ZNF442: variants seen among roughly 807,000 people sequenced by gnomAD.
The protein encoded by ZNF442 is zinc finger protein 442.
In ZNF442, 45 loss-of-function variants were observed where a neutral mutation model predicts 57.0. That is an observed-to-expected ratio of 0.79 (90% confidence interval 0.62 to 1.01). ZNF442 has a LOEUF of 1.01. Ranked by LOEUF, ZNF442 falls within the 50% of genes least tolerant of loss-of-function variation. The pLI, the probability that ZNF442 is intolerant of heterozygous loss-of-function variation, is 0.00. For synonymous variants in ZNF442, 213 were observed against 241.8 expected, an observed-to-expected ratio of 0.88 and a Z score of 1.10; for missense variants, 690 against 756.5, an observed-to-expected ratio of 0.91 and a Z score of 1.03.
chr19:12,370,213 T>C (rs10406820), upstream of ZNF442, among the ~76,000 whole-genome samples: 1 of 150,690 alleles, frequency 6.6e-6, no homozygotes, highest in Admixed American at 6.7e-5. Flanking sequence ...AGATGGTCCC[T>C]TCTGGGGGTG....
chr19:12,350,857 C>T lies in ZNF442; in HGVS notation c.728G>A (p.Cys243Tyr), dbSNP rs757755988. The change falls in exon 6 of 6, where the codon TGT becomes TAT. Residue 243 changes from cysteine to tyrosine, a missense_variant. Coordinates refer to ENST00000242804, the MANE Select transcript of ZNF442 (RefSeq NM_030824.3). ...GEKPYECKQC[C>Y]KAFPIYSSYL... ...GGAACTGTAAATAGGGAAGGCTTTACAACACTGCTTACATTCATACGGTTT... is the reference window on the plus strand; with the variant it reads ...GGAACTGTAAATAGGGAAGGCTTTATAACACTGCTTACATTCATACGGTTT... 5 of 1,614,034 alleles carry T rather than the reference C, an allele frequency of 3.1e-6. No homozygotes were observed. The highest frequency in any genetic ancestry group is 4.2e-6 in the Non-Finnish European group (5 of 1,179,988).
chr19:12,347,577 T>C lies in ZNF442; in HGVS notation c.*2124A>G, dbSNP rs1397029650. On this transcript the variant is annotated 3_prime_UTR_variant, in exon 6 of 6. Transcript: ENST00000242804. ...ACACTCCACCATCCTAAGCTTTAAG[T>C]TTCTATTTGGCCACCTGGCCAAAAC... 1 of 152,236 alleles carries C rather than the reference T, an allele frequency of 6.6e-6. No homozygotes were observed. Among genetic ancestry groups the C allele is most frequent in the Non-Finnish European group, 1.5e-5 (1 of 68,064 alleles). The allele number at this position is 152,236 out of a possible 1,614,324, so 9.4% of individuals were successfully genotyped here.
chr19:12,368,578 C>T (rs1012445768), upstream of ZNF442, among the ~76,000 whole-genome samples: 3 of 152,108 alleles, frequency 2.0e-5, no homozygotes, highest in Non-Finnish European at 4.4e-5. Flanking sequence ...GTCCCTTCAC[C>T]AAATGGGACA....
At chr19:12,362,549 G>T (rs930164258) in intron 3 of ZNF442, among the ~76,000 whole-genome samples, 6 of 151,278 alleles carry the variant, frequency 4.0e-5, no homozygotes, top group Admixed American at 6.6e-5. Flanking sequence ...GGAGGTGGGG[G>T]ACAGCTCCCG....
chr19:12,354,059 C>G (rs540324466), intron 3 of ZNF442, among the ~76,000 whole-genome samples: 34 of 152,294 alleles, frequency 2.2e-4, no homozygotes, highest in African/African-American at 8.2e-4. Flanking sequence ...TTTAAATCAT[C>G]TAGCTTCAGG....
chr19:12,354,992 G>A (rs143813186), intron 3 of ZNF442, among the ~76,000 whole-genome samples: 3 of 152,124 alleles, frequency 2.0e-5, no homozygotes, highest in Non-Finnish European at 2.9e-5. Context: ...AAAAAAATAC[G>A]TATTAAAGAC....
upstream of ZNF442, among the ~76,000 whole-genome samples, chr19:12,367,914 C>T (rs543206562): frequency 9.9e-5 from 15 of 152,152 alleles, no homozygotes; most frequent in East Asian, 3.9e-4. Context: ...GTGATCCACC[C>T]GCCTCGGCCT....
At chr19:12,373,648 C>A in the ZNF442 span, 1 of 304,690 alleles carries the variant, frequency 3.3e-6, no homozygotes, top group South Asian at 3.5e-5. Flanking sequence ...CCAGCATGGT[C>A]TGATCCGGAA....
rs1204802268 is a variant in ZNF442, at chr19:12,350,298, A to G, written c.1287T>C (p.Gly429=). The G allele has an allele frequency of 1.2e-6, 2 of 1,613,152 alleles. No individual in the cohort carries two copies. Among genetic ancestry groups the G allele is most frequent in the Non-Finnish European group, 1.7e-6 (2 of 1,179,836 alleles). ...VFQGHERTHT[G]EKPYECKECG... ...ATTCTTTACATTCATAGGGTTTCTC[A>G]CCAGTATGAGTCCTTTCATGTCCTT... is the stretch of plus-strand genomic sequence containing the variant. Residue 429 remains glycine (G), a synonymous_variant, in exon 6 of 6, where the codon GGT becomes GGC. Coordinates refer to ENST00000242804, the MANE Select transcript of ZNF442 (RefSeq NM_030824.3).
the ZNF442 span, among the ~76,000 whole-genome samples, chr19:12,372,930 T>G: frequency 2.0e-5 from 3 of 152,174 alleles, no homozygotes; most frequent in African/African-American, 7.2e-5. Context: ...CATGCCACCA[T>G]GCCCAGCTAA....
upstream of ZNF442, among the ~76,000 whole-genome samples, chr19:12,369,767 G>A (rs184543609): frequency 2.3e-4 from 35 of 151,168 alleles, 1 homozygote; most frequent in East Asian, 4.7e-3. Flanking sequence ...TTAGCTGGGC[G>A]TGGTGGTGCA....
Position 12,349,026 on chromosome 19 carries a change from CAAAAAAAAAAAAAAAAAAAA to C in ZNF442, c.*655_*674del, listed in dbSNP as rs146226078. The C allele has an allele frequency of 1.7e-5, 1 of 58,990 alleles. No homozygotes were observed. The highest frequency in any genetic ancestry group is 3.6e-5 in the Non-Finnish European group (1 of 27,508). 3.7% of individuals were successfully genotyped at this position (58,990 alleles called of 1,614,324 possible). On this transcript the variant is annotated 3_prime_UTR_variant, in exon 6 of 6. Coordinates refer to ENST00000242804, the MANE Select transcript of ZNF442 (RefSeq NM_030824.3). Reference sequence around the variant, plus strand: ...TGAAACCCCGTCTCTACTAAAAATACAAAAAAAAAAAAAAAAAAAAAAAAATTAGCTGGGTGTGGTGGCAT... The same window carrying C: ...TGAAACCCCGTCTCTACTAAAAATACAAAAATTAGCTGGGTGTGGTGGCAT...
At position 12,351,461 on chromosome 19, in the gene ZNF442, G is replaced by A. The variant is rs1969237050; in HGVS notation, c.267-143C>T. 4.0e-6 allele frequency: 3 copies of A among 750,058 alleles called. No homozygotes were observed. The South Asian group carries it at 6.0e-5, about 15-fold the overall frequency. The allele number at this position is 750,058 out of a possible 1,614,324, so 46.5% of individuals were successfully genotyped here. Reference sequence around the variant, plus strand: ...CTTGAACGTGAATGGACTGAATGTTGTACAAGATAACTCGACCCCAGCTGT... The same window carrying A: ...CTTGAACGTGAATGGACTGAATGTTATACAAGATAACTCGACCCCAGCTGT... On this transcript the variant is annotated intron_variant, in intron 5 of 5. Transcript: ENST00000242804.
rs1030997985 is a variant in ZNF442 at position 12,347,765 on chromosome 19, C to G, written c.*1936G>C. On this transcript the variant is annotated 3_prime_UTR_variant, in exon 6 of 6. Coordinates refer to ENST00000242804, the MANE Select transcript of ZNF442 (RefSeq NM_030824.3). ...CCTCAGGCTGTAAGAGAAGTTTGCA[C>G]CTGACCCTGCCGCTGGAAGCCCTTC... 2.0e-4 allele frequency: 31 copies of G among 152,326 alleles called. No individual in the cohort carries two copies. Among genetic ancestry groups the G allele is most frequent in the Admixed American group, 1.8e-3 (27 of 15,298 alleles). 9.4% of individuals were successfully genotyped at this position (152,326 alleles called of 1,614,324 possible).
intron 5 of ZNF442, 142 bp downstream of exon 5, chr19:12,351,868 G>A: frequency 3.1e-6 from 2 of 652,186 alleles, no homozygotes; most frequent in Non-Finnish European, 5.2e-6. Flanking sequence ...TCACATTTAA[G>A]TATATGTTTC....
Position 12,353,076 on chromosome 19 carries a change from G to C in ZNF442, c.117C>G (p.Thr39=). ...VAFEDVAVNF[T]QEEWALLGPS... ...GACCCAGCAAAGCCCACTCTTCCTG[G>C]GTGAAGTTCACCGCCACATCCTCAA... is the stretch of plus-strand genomic sequence containing the variant. Residue 39 remains threonine, a synonymous_variant, in exon 4 of 6, where the codon ACC becomes ACG. Coordinates refer to ENST00000242804, the MANE Select transcript of ZNF442 (RefSeq NM_030824.3). 6.2e-7 allele frequency: 1 copy of C among 1,613,288 alleles called. No homozygotes were observed. The highest frequency in any genetic ancestry group is 1.1e-5 in the South Asian group (1 of 90,950).
At chr19:12,359,412 A>G (rs921248769) in intron 3 of ZNF442, among the ~76,000 whole-genome samples, 20 of 152,210 alleles carry the variant, frequency 1.3e-4, no homozygotes. Flanking sequence ...CTTTGCTTAC[A>G]TAGATTATGC....
rs765275129 is a variant in ZNF442, at chr19:12,350,719, C to T, written c.866G>A (p.Gly289Glu). 5 of 1,613,956 alleles carry T rather than the reference C, an allele frequency of 3.1e-6. No individual in the cohort carries two copies. The highest frequency in any genetic ancestry group is 4.2e-6 in the Non-Finnish European group (5 of 1,180,046). ...SYVRHERTHT[G>E]EKPYKCKRCG... Reference sequence around the variant, plus strand: ...TCGTTTACATTTATAGGGTTTTTCTCCAGTGTGAGTTCTTTCATGTCTTAC... The same window carrying T: ...TCGTTTACATTTATAGGGTTTTTCTTCAGTGTGAGTTCTTTCATGTCTTAC... The change falls in exon 6 of 6, where the codon GGA becomes GAA. Residue 289 changes from glycine (G) to glutamate (E), a missense_variant. Physicochemically the swap from Gly to Glu is moderately conservative, Grantham distance 98 (BLOSUM62 -2). Transcript: ENST00000242804.
Position 12,349,939 on chromosome 19 carries a change from C to A in ZNF442, c.1646G>T (p.Cys549Phe), listed in dbSNP as rs760732255. Residue 549 changes from cysteine to phenylalanine, a missense_variant, in exon 6 of 6, where the codon TGC (cysteine) becomes TTC (phenylalanine). Transcript: ENST00000242804. ...AGTGAGCCAAGAGAATGCTTTCCTGCATTCCTTACATTCATATGGCTTCTC... is the reference window on the plus strand; with the variant it reads ...AGTGAGCCAAGAGAATGCTTTCCTGAATTCCTTACATTCATATGGCTTCTC... ...TGEKPYECKECRKAFSWLTCL... is the reference protein window; with the variant it reads ...TGEKPYECKEFRKAFSWLTCL... 112 of 1,614,054 alleles carry A rather than the reference C, an allele frequency of 6.9e-5. No individual in the cohort carries two copies. Among genetic ancestry groups the A allele is most frequent in the Non-Finnish European group, 9.4e-5 (111 of 1,180,018 alleles).
Sources: gnomAD v4.1 joint callset for allele counts (sites outside exome capture counted in the v4.1 genomes callset) on GRCh38, gnomAD v4.1.1 for gene constraint, MANE v1.5 for transcripts, NCBI Gene and HGNC (gene_info 2026-07-23, HGNC 2026-07-21) for gene names.